Variants in FER observed in about 807,000 individuals in gnomAD.
FER encodes the protein tyrosine-protein kinase Fer.
A neutral mutation model predicts 111.0 loss-of-function variants in FER; 63 were observed. The observed-to-expected ratio is 0.57, with a 90% confidence interval of 0.46 to 0.70. The LOEUF (loss-of-function observed/expected upper bound fraction) is 0.70. Among genes scored for constraint, FER ranks in the 30% least tolerant of loss-of-function variants. The probability of loss-of-function intolerance (pLI) is 0.00; values close to 1 mark genes in which losing one functional copy is unlikely to be tolerated. For missense variants in FER, 914 were observed against 954.0 expected (o/e 0.96, Z 0.55); for synonymous variants, 327 against 313.9 (o/e 1.04, Z -0.44).
chr5:108,927,507 C>G (rs982175903), intron 10 of FER, among the ~76,000 whole-genome samples: 2 of 152,106 alleles, frequency 1.3e-5, no homozygotes, highest in African/African-American at 4.8e-5. Context: ...GATCCACCTG[C>G]CTCGGCCTCC....
chr5:108,771,009 T>C (rs890357508), intron 2 of FER, among the ~76,000 whole-genome samples: 1 of 151,760 alleles, frequency 6.6e-6, no homozygotes, highest in Non-Finnish European at 1.5e-5. Context: ...TGATCTCGGC[T>C]CACTGCAACC....
chr5:108,967,629 G>T (rs941748939), intron 13 of FER, among the ~76,000 whole-genome samples: 1 of 151,822 alleles, frequency 6.6e-6, no homozygotes, highest in African/African-American at 2.4e-5. Flanking sequence ...GTGTGGTGGT[G>T]GGCACCTGTA....
intron 13 of FER, among the ~76,000 whole-genome samples, chr5:108,994,377 C>T (rs151127425): frequency 0.046 from 7,056 of 152,176 alleles, 264 homozygotes; most frequent in South Asian, 0.11. Flanking sequence ...ATCTTTTCCC[C>T]ATTGCTTGTT....
chr5:108,927,252 C>CTTTTTTTTTTTTTTTTTTTTTTT lies in FER; in HGVS notation c.1237-18859_1237-18858insTTTTTTTTTTTTTTTTTTTTTTT, dbSNP rs766702172. ...TGTAATTCAGCATTGAGAAGTGGCT[C>CTTTTTTTTTTTTTTTTTTTTTTT]TTTTTTTTTTTTTTTTTTTGAGACG... On this transcript the variant is annotated intron_variant, in intron 10 of 19. Transcript: ENST00000281092. Among the ~76,000 whole-genome samples, 133 of 95,226 alleles carry CTTTTTTTTTTTTTTTTTTTTTTT rather than the reference C, an allele frequency of 1.4e-3. 23 individuals are homozygous for CTTTTTTTTTTTTTTTTTTTTTTT. The highest frequency in any genetic ancestry group is 2.4e-3 in the African/African-American group (42 of 17,260). The allele number at this position is 95,226 out of a possible 152,430, so 62.5% of individuals were successfully genotyped here.
In FER at chr5:108,832,928, G is replaced by C; in HGVS notation, c.366G>C (p.Glu122Asp). The change falls in exon 4 of 20, where the codon GAG (glutamate) becomes GAC (aspartate). Residue 122 changes from glutamate to aspartate, a missense_variant. This residue lies in a region of FER where 774 missense variants were observed against 782.6 expected (regional missense o/e 0.99). Coordinates refer to ENST00000281092, the MANE Select transcript of FER (RefSeq NM_005246.4). ...ACATAGGTGTTCATCAGCAGATAGA[G>C]GCAGAGATGATCAAGGTTCGTTTTT... ...KSYIGVHQQIEAEMIKVTKTE... is the reference protein window; with the variant it reads ...KSYIGVHQQIDAEMIKVTKTE... The C allele has an allele frequency of 1.3e-6, 2 of 1,572,392 alleles. No homozygotes were observed. The highest frequency in any genetic ancestry group is 1.2e-5 in the South Asian group (1 of 83,174).
At chr5:108,924,615 T>C in intron 10 of FER, 1 of 1,231,328 alleles carries the variant, frequency 8.1e-7, no homozygotes, top group East Asian at 3.2e-5. Flanking sequence ...GTTGGTAAAT[T>C]GACTTCCTTG....
chr5:108,872,244 T>C (rs766297030), intron 8 of FER, 32 bp downstream of exon 8: 4 of 1,551,818 alleles, frequency 2.6e-6, no homozygotes, highest in Non-Finnish European at 3.5e-6. Context: ...ACAGTTTAAA[T>C]ACTAGTATTA....
At chr5:109,081,041 C>T (rs555645717) in intron 16 of FER, among the ~76,000 whole-genome samples, 107 of 152,120 alleles carry the variant, frequency 7.0e-4, no homozygotes, top group Admixed American at 4.7e-3. Flanking sequence ...TCTCCACAGT[C>T]CCACTTCCTT....
intron 9 of FER, among the ~76,000 whole-genome samples, chr5:108,885,293 G>GTTCA (rs1240797406): frequency 6.6e-6 from 1 of 151,796 alleles, no homozygotes; most frequent in Non-Finnish European, 1.5e-5. Context: ...ACCTAACCTG[G>GTTCA]TTCACTCTTA....
intron 5 of FER, among the ~76,000 whole-genome samples, chr5:108,847,894 A>AT (rs962080652): frequency 2.0e-5 from 3 of 151,152 alleles, no homozygotes; most frequent in Middle Eastern, 3.4e-3. Context: ...TTTATATTTT[A>AT]TTTTTTTTAC....
At chr5:108,841,897 T>C (rs1179954772) in intron 5 of FER, 1 of 363,744 alleles carries the variant, frequency 2.7e-6, no homozygotes, top group African/African-American at 2.2e-5. Context: ...TAAGGATTAG[T>C]ATTTTTGTAT....
intron 13 of FER, among the ~76,000 whole-genome samples, chr5:109,027,550 T>C (rs1223321643): frequency 6.6e-6 from 1 of 152,204 alleles, no homozygotes; most frequent in African/African-American, 2.4e-5. Flanking sequence ...TCACTCTGAC[T>C]TACCTACTTG....
chr5:108,919,947 C>T (rs1184422382), intron 10 of FER, among the ~76,000 whole-genome samples: 1 of 152,038 alleles, frequency 6.6e-6, no homozygotes, highest in Non-Finnish European at 1.5e-5. Flanking sequence ...TTAAAAGTTA[C>T]GTGAAATAAT....
chr5:108,928,747 A>G lies in FER; in HGVS notation c.1237-17383A>G, dbSNP rs542435427. ...TAAACTGTTTAATATATGTACATATACATATATATAAAGTCTGTATACATA... is the reference window on the plus strand; with the variant it reads ...TAAACTGTTTAATATATGTACATATGCATATATATAAAGTCTGTATACATA... On this transcript the variant is annotated intron_variant, in intron 10 of 19. Coordinates refer to ENST00000281092, the MANE Select transcript of FER (RefSeq NM_005246.4). Among the ~76,000 whole-genome samples, 6 of 151,570 alleles carry G rather than the reference A, an allele frequency of 4.0e-5. No individual in the cohort carries two copies. The East Asian group carries it at 1.2e-3, about 29-fold the overall frequency.
chr5:108,838,787 A>C (rs892004197), intron 5 of FER, among the ~76,000 whole-genome samples: 2 of 152,208 alleles, frequency 1.3e-5, no homozygotes, highest in Non-Finnish European at 2.9e-5. Context: ...ACATTCTAAA[A>C]TAATACACCT....
intron 3 of FER, chr5:108,818,134 A>C (rs569465694): frequency 6.6e-6 from 1 of 152,316 alleles, no homozygotes; most frequent in African/African-American, 2.4e-5. Flanking sequence ...GCATTTAAGA[A>C]TTTAGAAAAT....
intron 3 of FER, among the ~76,000 whole-genome samples, chr5:108,811,253 A>T (rs1034193823): frequency 1.5e-4 from 23 of 151,178 alleles, no homozygotes; most frequent in African/African-American, 5.6e-4. Context: ...AAGTGAGTGG[A>T]TGCTCCAGAT....
At chr5:109,150,140 G>C (rs1029436941) in intron 17 of FER, among the ~76,000 whole-genome samples, 1 of 152,098 alleles carries the variant, frequency 6.6e-6, no homozygotes, top group African/African-American at 2.4e-5. Flanking sequence ...GGTGCCAAAA[G>C]CGCTGGGGAC....
chr5:108,934,242 T>A (rs1418475341), intron 10 of FER, among the ~76,000 whole-genome samples: 1 of 152,158 alleles, frequency 6.6e-6, no homozygotes, highest in African/African-American at 2.4e-5. Flanking sequence ...GTTACTTTGT[T>A]ATCTTTTCTG....
Sources: gnomAD v4.1 joint callset for allele counts (sites outside exome capture counted in the v4.1 genomes callset) on GRCh38, gnomAD v4.1.1 for gene constraint, gnomAD v4.1.1 regional missense constraint, MANE v1.5 for transcripts, NCBI Gene and HGNC (gene_info 2026-07-23, HGNC 2026-07-21) for gene names.